The following C22orf42 variants were observed in gnomAD, a reference collection of about 807,000 sequenced individuals.
The protein encoded by C22orf42 is chromosome 22 open reading frame 42.
Under a neutral mutation model 31.4 loss-of-function variants are expected in C22orf42, and 24 were observed. The observed-to-expected ratio is 0.77, with a 90% CI of 0.55 to 1.08. C22orf42 has a LOEUF of 1.08. C22orf42 is among the 50% of genes least tolerant of loss of function. The pLI is 0.00. For synonymous variants in C22orf42, 96 were observed against 112.7 expected, an observed-to-expected ratio of 0.85 and a Z score of 0.94; for missense variants, 276 against 327.3, an observed-to-expected ratio of 0.84 and a Z score of 1.21.
At chr22:32,150,922 T>G in intron 6 of C22orf42, 70 bp downstream of exon 6, 4 of 1,420,474 alleles carry the variant, frequency 2.8e-6, no homozygotes, top group Non-Finnish European at 3.9e-6. Flanking sequence ...CTGAATCACT[T>G]ACGTTAAATG....
chr22:32,155,612 C>CGTTT (rs969596260), intron 1 of C22orf42, among the ~76,000 whole-genome samples: 1 of 151,540 alleles, frequency 6.6e-6, no homozygotes, highest in Non-Finnish European at 1.5e-5. Flanking sequence ...TCAGACTTGC[C>CGTTT]TAAACTGTTT....
chr22:32,158,198 C>G (rs1448257662), intron 1 of C22orf42, among the ~76,000 whole-genome samples: 1 of 152,068 alleles, frequency 6.6e-6, no homozygotes, highest in African/African-American at 2.4e-5. Flanking sequence ...AGCCCTGGTC[C>G]CACTCTCGAT....
At chr22:32,159,473 C>T (rs55708628), upstream of C22orf42, 4,748 of 1,358,542 alleles carry the variant, frequency 3.5e-3, 10 homozygotes, top group East Asian at 9.3e-3. Flanking sequence ...GCCACCCTGT[C>T]CCTCTGTGGT....
In C22orf42 at chr22:32,159,123, C is replaced by T. The variant is rs1415143146; in HGVS notation, c.93G>A (p.Glu31=). ...RPDVGPCHEC[E]IPETVAATAP... ...CTGTGGCTGCCACAGTCTCAGGAATCTCACACTCATGGCAGGGTCCCACAT... is the reference window on the plus strand; with the variant it reads ...CTGTGGCTGCCACAGTCTCAGGAATTTCACACTCATGGCAGGGTCCCACAT... The change falls in exon 1 of 9, where the codon GAG becomes GAA. Residue 31 remains glutamate, a synonymous_variant. Transcript: ENST00000382097. The T allele has an allele frequency of 1.2e-6, 2 of 1,614,090 alleles. No homozygotes were observed. The highest frequency in any genetic ancestry group is 3.3e-5 in the Admixed American group (2 of 60,010).
chr22:32,158,589 A>G (rs1409570119), intron 1 of C22orf42, among the ~76,000 whole-genome samples: 1 of 152,228 alleles, frequency 6.6e-6, no homozygotes, highest in Non-Finnish European at 1.5e-5. Flanking sequence ...AAGTCTCCAC[A>G]TATTTGAGTC....
chr22:32,159,305 A>C (rs972594327), upstream of C22orf42: 1 of 1,535,826 alleles, frequency 6.5e-7, no homozygotes, highest in African/African-American at 1.4e-5. Context: ...CTACCGACTG[A>C]AGGCTGCTGG....
intron 2 of C22orf42, 79 bp from the exon 3 acceptor site, chr22:32,152,705 G>A: frequency 1.4e-6 from 2 of 1,413,242 alleles, no homozygotes; most frequent in Non-Finnish European, 2.0e-6. Context: ...ATGTGGACCG[G>A]GGCTGGAGTA....
chr22:32,156,325 A>G (rs903780335), intron 1 of C22orf42, among the ~76,000 whole-genome samples: 3 of 152,108 alleles, frequency 2.0e-5, no homozygotes, highest in Non-Finnish European at 4.4e-5. Flanking sequence ...GAAAATTCCC[A>G]TATTACACCT....
At chr22:32,154,542 G>GTGCAGGCAGATACC (rs1193641734) in intron 1 of C22orf42, among the ~76,000 whole-genome samples, 1 of 152,244 alleles carries the variant, frequency 6.6e-6, no homozygotes, top group African/African-American at 2.4e-5. Flanking sequence ...CAGACTGTTT[G>GTGCAGGCAGATACC]TGCAGGCAGA....
Position 32,149,603 on chromosome 22 carries a change from C to G in C22orf42, c.693G>C (p.Lys231Asn), listed in dbSNP as rs747270720. Residue 231 changes from lysine (K) to asparagine (N), a missense_variant, in exon 9 of 9, where the codon AAG becomes AAC. Physicochemically the swap from Lys to Asn is moderately conservative, Grantham distance 94. Coordinates refer to ENST00000382097, the MANE Select transcript of C22orf42 (RefSeq NM_001010859.3). Reference protein sequence around the residue: ...ERYEDYLCWVKMARSRLNEPI... With the variant: ...ERYEDYLCWVNMARSRLNEPI... The stretch of plus-strand genomic sequence containing the variant: ...GTTCATTGAGCCGAGACCGTGCCAT[C>G]TTAACCCAGCCTAGGGGAAAAGAAC... The G allele has an allele frequency of 5.3e-5, 80 of 1,511,588 alleles. No homozygotes were observed. Among genetic ancestry groups the G allele is most frequent in the Non-Finnish European group, 6.8e-5 (76 of 1,122,930 alleles). 93.6% of individuals were successfully genotyped at this position (1,511,588 alleles called of 1,614,324 possible). A position where few individuals can be genotyped will look rare whatever the true frequency, so the allele number is the denominator to read the frequency against.
chr22:32,158,563 C>G lies in C22orf42; in HGVS notation c.232+421G>C, dbSNP rs59125047. ...CATATAATCTCTTCCATGGCAAACT[C>G]TATTTTGAATTTAAGAAGTCTCCAC... On this transcript the variant is annotated intron_variant, in intron 1 of 8. Coordinates refer to ENST00000382097, the MANE Select transcript of C22orf42 (RefSeq NM_001010859.3). 2.3e-3 allele frequency among the ~76,000 whole-genome samples: 356 copies of G among 152,246 alleles called. 2 individuals are homozygous for G. Among genetic ancestry groups the G allele is most frequent in the African/African-American group, 7.9e-3 (327 of 41,550 alleles).
intron 1 of C22orf42, among the ~76,000 whole-genome samples, chr22:32,158,735 G>T (rs1488387423): frequency 6.6e-6 from 1 of 152,154 alleles, no homozygotes; most frequent in South Asian, 2.1e-4. Flanking sequence ...TCCAAAACTG[G>T]AGTATTTGAA....
chr22:32,154,095 A>G, intron 2 of C22orf42, 149 bp downstream of exon 2: 1 of 629,240 alleles, frequency 1.6e-6, no homozygotes, highest in Non-Finnish European at 2.8e-6. Flanking sequence ...TGTATCATCT[A>G]CCATTGATTT....
In C22orf42 at chr22:32,149,391, C is replaced by T. The variant is rs12168895; in HGVS notation, c.*149G>A. On this transcript the variant is annotated 3_prime_UTR_variant, in exon 9 of 9. Coordinates refer to ENST00000382097, the MANE Select transcript of C22orf42 (RefSeq NM_001010859.3). ...CAGGCTGCAAGAGGACTGGCTGCAG[C>T]CACAAACTGCAGGTCACTGTTCACA... 369 of 969,794 alleles carry T rather than the reference C, an allele frequency of 3.8e-4. 1 individual carries two copies. The African/African-American group carries it at 5.3e-3, about 14-fold the overall frequency. The allele number at this position is 969,794 out of a possible 1,614,324, so 60.1% of individuals were successfully genotyped here. A position where few individuals can be genotyped will look rare whatever the true frequency, so the allele number is the denominator to read the frequency against.
chr22:32,158,844 C>T, intron 1 of C22orf42, 140 bp downstream of exon 1: 1 of 928,158 alleles, frequency 1.1e-6, no homozygotes. Context: ...GTCCCCCATG[C>T]CTAGCCCTGG....
intron 2 of C22orf42, among the ~76,000 whole-genome samples, 162 bp downstream of exon 2, chr22:32,154,082 A>G (rs963245904): frequency 6.6e-6 from 1 of 152,128 alleles, no homozygotes; most frequent in Non-Finnish European, 1.5e-5. Flanking sequence ...TTACTTGTGT[A>G]GTTGTATCAT....
At chr22:32,159,992 C>T (rs1279621748), upstream of C22orf42, 6 of 152,198 alleles carry the variant, frequency 3.9e-5, no homozygotes, top group South Asian at 2.1e-4. Flanking sequence ...GTTTTTCTTA[C>T]ACAAAATTGA....
intron 1 of C22orf42, among the ~76,000 whole-genome samples, chr22:32,154,665 C>T (rs1163792819): frequency 6.6e-6 from 1 of 152,136 alleles, no homozygotes; most frequent in African/African-American, 2.4e-5. Context: ...TGAAATGAAC[C>T]CCTCTGTGCC....
In C22orf42 at chr22:32,159,018, G is replaced by A. The variant is rs931974468; in HGVS notation, c.198C>T (p.Leu66=). The A allele has an allele frequency of 2.5e-6, 4 of 1,614,186 alleles. No homozygotes were observed. The highest frequency in any genetic ancestry group is 3.4e-6 in the Non-Finnish European group (4 of 1,180,032). The stretch of plus-strand genomic sequence containing the variant: ...TCTTCAGCATCTTCGGCGTCTTCGG[G>A]AGGCTGAGGTACTGCATGAGTTGGG... ...KKAQLMQYLS[L]PKTPKMLKMS... Residue 66 remains leucine, a synonymous_variant, in exon 1 of 9, where the codon CTC becomes CTT. Coordinates refer to ENST00000382097, the MANE Select transcript of C22orf42 (RefSeq NM_001010859.3).
Sources: gnomAD v4.1 joint callset for allele counts (sites outside exome capture counted in the v4.1 genomes callset) on GRCh38, gnomAD v4.1.1 for gene constraint, MANE v1.5 for transcripts, NCBI Gene and HGNC (gene_info 2026-07-23, HGNC 2026-07-21) for gene names.